Variants in KY observed in about 807,000 individuals in gnomAD.
KY encodes kyphoscoliosis peptidase.
In KY, 43 loss-of-function variants were observed where a neutral mutation model predicts 76.1. That is an observed-to-expected ratio of 0.57 (90% CI 0.44 to 0.73). KY has a LOEUF of 0.73. Among genes scored for constraint, KY ranks in the 30% least tolerant of loss-of-function variants. The pLI, the probability that KY is intolerant of heterozygous loss-of-function variation, is 0.00. For synonymous variants in KY, 277 were observed against 326.2 expected (o/e 0.85, Z 1.63); for missense variants, 722 against 828.9 (o/e 0.87, Z 1.58).
chr3:134,622,242 T>C (rs1386688054), intron 6 of KY, among the ~76,000 whole-genome samples: 1 of 152,110 alleles, frequency 6.6e-6, no homozygotes, highest in Admixed American at 6.5e-5. Flanking sequence ...AGGCAGAGAC[T>C]CAAACAGACA....
intron 2 of KY, among the ~76,000 whole-genome samples, chr3:134,644,846 C>A (rs1401691271): frequency 1.3e-5 from 2 of 152,198 alleles, no homozygotes; most frequent in Admixed American, 6.5e-5. Flanking sequence ...TATGAACAGG[C>A]CCAGCTAGGT....
chr3:134,608,942 G>T, intron 9 of KY, 103 bp from the exon 10 acceptor site: 20 of 1,341,998 alleles, frequency 1.5e-5, no homozygotes, highest in Non-Finnish European at 2.0e-5. Flanking sequence ...ATGGGAAGAG[G>T]CACCATCTCC....
At chr3:134,628,762 T>C (rs1210541034) in intron 4 of KY, among the ~76,000 whole-genome samples, 12 of 152,208 alleles carry the variant, frequency 7.9e-5, no homozygotes, top group Admixed American at 7.9e-4. Flanking sequence ...CCTTCTTTTA[T>C]AGTTGACAAA....
At chr3:134,639,790 GAA>G (rs1291925567) in intron 3 of KY, 3 of 135,460 alleles carry the variant, frequency 2.2e-5, no homozygotes, top group Non-Finnish European at 4.8e-5. Context: ...TACAAAAAAC[GAA>G]AAAAAAAAAA....
Position 134,602,859 on chromosome 3 carries a change from G to A in KY, c.*720C>T, listed in dbSNP as rs1489174326. Among the ~76,000 whole-genome samples, 2 of 152,186 alleles carry A rather than the reference G, an allele frequency of 1.3e-5. No individual in the cohort carries two copies. Among genetic ancestry groups the A allele is most frequent in the African/African-American group, 2.4e-5 (1 of 41,450 alleles). ...CACCTGCACAGCCACAGCGGGCATG[G>A]GCTGCTCTTTGCTTTGCAGTCTCCT... On this transcript the variant is annotated 3_prime_UTR_variant, in exon 11 of 11. Coordinates refer to ENST00000423778, the MANE Select transcript of KY (RefSeq NM_178554.6).
intron 3 of KY, among the ~76,000 whole-genome samples, chr3:134,630,056 T>C (rs1964013739): frequency 6.6e-6 from 1 of 152,256 alleles, no homozygotes; most frequent in Admixed American, 6.5e-5. Flanking sequence ...TTTACCATTC[T>C]TCTTTCCCCT....
At chr3:134,625,922 C>T (rs1445794776) in intron 5 of KY, among the ~76,000 whole-genome samples, 3 of 152,242 alleles carry the variant, frequency 2.0e-5, no homozygotes, top group Non-Finnish European at 4.4e-5. Flanking sequence ...TGATGCAGGG[C>T]CAGCAATCAT....
chr3:134,619,581 A>T (rs1286305872), intron 7 of KY, among the ~76,000 whole-genome samples: 2 of 152,182 alleles, frequency 1.3e-5, no homozygotes, highest in Non-Finnish European at 2.9e-5. Flanking sequence ...CTCTGCACAC[A>T]TTTCCAGTGA....
At chr3:134,621,195 CT>C (rs1962558773) in intron 6 of KY, among the ~76,000 whole-genome samples, 1 of 152,164 alleles carries the variant, frequency 6.6e-6, no homozygotes, top group South Asian at 2.1e-4. Flanking sequence ...ATTCCAATAG[CT>C]TTTTGTGCTG....
At position 134,604,130 on chromosome 3, in the gene KY, G is replaced by A. The variant is rs750351662; in HGVS notation, c.1435C>T (p.Arg479Cys). ...PDPIIHTSDG[R>C]CSISFSVEEG... ...TCCACGCTGAAGCTGATGGAGCAGC[G>A]CCCGTCGCTGGTGTGGATGATAGGG... is the stretch of plus-strand genomic sequence containing the variant. The change falls in exon 11 of 11, where the codon CGC (arginine) becomes TGC (cysteine). Residue 479 changes from arginine (R) to cysteine (C), a missense_variant. By Grantham distance (180) the Arg-to-Cys change is radical. Around this residue, in one of 2 missense-constraint regions of KY, gnomAD observed 552 missense variants for 680.9 expected, o/e 0.81. Coordinates refer to ENST00000423778, the MANE Select transcript of KY (RefSeq NM_178554.6). 2.1e-5 allele frequency: 33 copies of A among 1,607,876 alleles called. No homozygotes were observed. The highest frequency in any genetic ancestry group is 1.7e-4 in the Middle Eastern group (1 of 5,972).
At chr3:134,629,461 T>C (rs1345259575) in intron 4 of KY, 160 bp downstream of exon 4, 2 of 594,524 alleles carry the variant, frequency 3.4e-6, no homozygotes, top group Non-Finnish European at 6.1e-6. Context: ...GAAAAGAGTC[T>C]CCCAGGATAA....
chr3:134,609,718 C>G (rs1960003304), intron 9 of KY, among the ~76,000 whole-genome samples: 1 of 152,158 alleles, frequency 6.6e-6, no homozygotes, highest in Admixed American at 6.5e-5. Context: ...CACCCCTTCC[C>G]CAAAAACCAC....
chr3:134,639,025 A>G (rs1303311053), intron 3 of KY, among the ~76,000 whole-genome samples: 1 of 148,450 alleles, frequency 6.7e-6, no homozygotes, highest in Non-Finnish European at 1.5e-5. Flanking sequence ...CTTTTTCTAT[A>G]ACAGGTTGGC....
In KY at chr3:134,610,330, T is replaced by C. The variant is rs772419564; in HGVS notation, c.764A>G (p.Tyr255Cys). The C allele has an allele frequency of 1.6e-5, 26 of 1,613,012 alleles. No homozygotes were observed. The highest frequency in any genetic ancestry group is 5.0e-5 in the Admixed American group (3 of 59,926). ...TVPGYSKGFG[Y>C]QTGQSFSGEF... is the part of the protein sequence containing the mutation. Reference sequence around the variant, plus strand: ...CCCCGAGAAGCTCTGCCCTGTCTGGTAGCCGAAACCCTTGGAGTAGCCAGG... The same window carrying C: ...CCCCGAGAAGCTCTGCCCTGTCTGGCAGCCGAAACCCTTGGAGTAGCCAGG... Residue 255 changes from tyrosine (Y) to cysteine (C), a missense_variant, in exon 9 of 11, where the codon TAC becomes TGC. Tyr to Cys is a radical substitution (Grantham distance 194). Transcript: ENST00000423778.
chr3:134,633,786 T>C (rs939891621), intron 3 of KY, among the ~76,000 whole-genome samples: 1 of 152,088 alleles, frequency 6.6e-6, no homozygotes, highest in Non-Finnish European at 1.5e-5. Context: ...ATAAAAGGCA[T>C]ACAGATTGGC....
At chr3:134,619,069 T>C (rs1171483093) in intron 8 of KY, 79 bp downstream of exon 8, 1 of 1,205,588 alleles carries the variant, frequency 8.3e-7, no homozygotes, top group African/African-American at 1.5e-5. Context: ...GCCTGGCATG[T>C]GGGCAAAGGC....
At chr3:134,623,549 T>G (rs2107854497) in intron 6 of KY, among the ~76,000 whole-genome samples, 4 of 146,032 alleles carry the variant, frequency 2.7e-5, no homozygotes, top group South Asian at 4.8e-4. Flanking sequence ...TGCCCCCTTG[T>G]TCCCCCACCT....
At chr3:134,608,080 C>G in intron 10 of KY, 1 of 1,107,574 alleles carries the variant, frequency 9.0e-7, no homozygotes, top group Non-Finnish European at 1.1e-6. Flanking sequence ...GGGACTGCCC[C>G]CACCTGTCCT....
At chr3:134,626,357 G>A (rs1288545849) in intron 5 of KY, among the ~76,000 whole-genome samples, 1 of 152,174 alleles carries the variant, frequency 6.6e-6, no homozygotes, top group African/African-American at 2.4e-5. Context: ...TTCCAGTCTG[G>A]TTCTGACTTC....
Sources: allele counts gnomAD v4.1 joint callset (sites outside exome capture counted in the v4.1 genomes callset), GRCh38; gene constraint gnomAD v4.1.1; regional missense constraint gnomAD v4.1.1; transcripts MANE v1.5; gene names NCBI Gene and HGNC (gene_info 2026-07-23, HGNC 2026-07-21).